The following FGF14 variants were observed in gnomAD, a reference collection of about 807,000 sequenced individuals.
The protein encoded by FGF14 is fibroblast growth factor 14.
A neutral mutation model predicts 25.5 loss-of-function variants in FGF14; 5 were observed. The observed-to-expected ratio is 0.20, with a 90% CI of 0.10 to 0.41. The LOEUF is 0.41. Ranked by LOEUF, FGF14 falls within the 10% of genes least tolerant of loss-of-function variation. The pLI is 1.00. For missense variants in FGF14, 222 were observed against 320.1 expected (o/e 0.69, Z 2.34); for synonymous variants, 138 against 118.3 (o/e 1.17, Z -1.08).
intron 1 of FGF14, among the ~76,000 whole-genome samples, chr13:102,341,620 G>A (rs2056954808): frequency 6.6e-6 from 1 of 152,148 alleles, no homozygotes; most frequent in African/African-American, 2.4e-5. Context: ...TTGTATGATT[G>A]AGAAGGCGAC....
At chr13:102,155,787 G>C (rs2047305413) in intron 1 of FGF14, among the ~76,000 whole-genome samples, 2 of 151,714 alleles carry the variant, frequency 1.3e-5, no homozygotes, top group South Asian at 4.2e-4. Flanking sequence ...AGAAAAGAGA[G>C]AAGAATCAAA....
intron 1 of FGF14, among the ~76,000 whole-genome samples, chr13:102,107,791 C>A (rs2140309325): frequency 6.6e-6 from 1 of 152,258 alleles, no homozygotes; most frequent in Admixed American, 6.5e-5. Context: ...TGAGCAAAGG[C>A]ACACTTGCAG....
At chr13:102,079,861 C>T (rs1228886610) in intron 1 of FGF14, among the ~76,000 whole-genome samples, 1 of 151,984 alleles carries the variant, frequency 6.6e-6, no homozygotes, top group Non-Finnish European at 1.5e-5. Context: ...GACCTTTGAG[C>T]AAAGACCTAA....
At chr13:101,920,345 AT>A (rs1450061354), upstream of FGF14, among the ~76,000 whole-genome samples, 1 of 152,126 alleles carries the variant, frequency 6.6e-6, no homozygotes, top group Non-Finnish European at 1.5e-5. Context: ...CTGAACTCTC[AT>A]TTCAGAGGTT....
At position 101,722,575 on chromosome 13, in the gene FGF14, GAT is replaced by G; in HGVS notation, c.*254_*255del. 3.8e-6 allele frequency: 2 copies of G among 523,720 alleles called. No individual in the cohort carries two copies. The highest frequency in any genetic ancestry group is 2.0e-5 in the South Asian group (1 of 49,366). The allele number at this position is 523,720 out of a possible 1,614,324, so 32.4% of individuals were successfully genotyped here. A position where few individuals can be genotyped will look rare whatever the true frequency, so the allele number is the denominator to read the frequency against. On this transcript the variant is annotated 3_prime_UTR_variant, in exon 5 of 5. Coordinates refer to ENST00000376143, the MANE Select transcript of FGF14 (RefSeq NM_004115.4). ...CATGAAGTGTCACAGTCACAGAAAAGATATTAAAAAGGCATTCCATATCTGGT... is the reference window on the plus strand; with the variant it reads ...CATGAAGTGTCACAGTCACAGAAAAGATTAAAAAGGCATTCCATATCTGGT...
At chr13:102,165,530 C>T (rs907959897) in intron 1 of FGF14, among the ~76,000 whole-genome samples, 1 of 151,448 alleles carries the variant, frequency 6.6e-6, no homozygotes, top group Admixed American at 6.6e-5. Context: ...ATGGATGAAG[C>T]TGGAAACCAT....
At chr13:102,392,648 T>C (rs922484196) in intron 1 of FGF14, among the ~76,000 whole-genome samples, 1 of 152,168 alleles carries the variant, frequency 6.6e-6, no homozygotes, top group Non-Finnish European at 1.5e-5. Flanking sequence ...TGTTGGCAAA[T>C]GGCCAGAAGA....
At chr13:101,973,295 AT>A (rs2037725424) in intron 1 of FGF14, among the ~76,000 whole-genome samples, 1 of 152,182 alleles carries the variant, frequency 6.6e-6, no homozygotes, top group Non-Finnish European at 1.5e-5. Flanking sequence ...TAAATAAAAT[AT>A]ATCCATTCTT....
intron 1 of FGF14, among the ~76,000 whole-genome samples, chr13:102,220,484 C>T (rs1158207800): frequency 1.3e-5 from 2 of 152,160 alleles, no homozygotes; most frequent in African/African-American, 4.8e-5. Flanking sequence ...CTTGAAGTTT[C>T]AAGACATTAG....
rs71125058 is a variant in FGF14, at chr13:102,257,342, C to CTT, written c.208+144127_208+144128dup. On this transcript the variant is annotated intron_variant, in intron 1 of 4. Transcript: ENST00000376131. ...CATGCATGTCCATTTCCTTTCTTTT[C>CTT]TTTTTTTTTTTTTTTTTTTTTTTTT... 8.2e-3 allele frequency among the ~76,000 whole-genome samples: 267 copies of CTT among 32,554 alleles called. 92 individuals are homozygous for CTT. Among genetic ancestry groups the CTT allele is most frequent in the Middle Eastern group, 0.062 (2 of 32 alleles). 21.4% of individuals were successfully genotyped at this position (32,554 alleles called of 152,430 possible).
chr13:102,086,516 A>T (rs557561999), intron 1 of FGF14, among the ~76,000 whole-genome samples: 3 of 151,880 alleles, frequency 2.0e-5, no homozygotes, highest in Non-Finnish European at 2.9e-5. Context: ...GGCGACAGAG[A>T]GAGACTCCGT....
chr13:101,915,586 A>G (rs1430176526), intron 1 of FGF14, among the ~76,000 whole-genome samples: 3 of 151,002 alleles, frequency 2.0e-5, no homozygotes, highest in Non-Finnish European at 4.4e-5. Flanking sequence ...GCTCCTGAAT[A>G]GGATGCCTTC....
At chr13:101,809,210 T>A (rs897438531) in intron 3 of FGF14, among the ~76,000 whole-genome samples, 1 of 152,150 alleles carries the variant, frequency 6.6e-6, no homozygotes, top group East Asian at 1.9e-4. Flanking sequence ...TTGATAAACA[T>A]GTACATACTC....
intron 1 of FGF14, chr13:102,395,631 C>T (rs1194206093): frequency 6.6e-6 from 1 of 152,178 alleles, no homozygotes; most frequent in East Asian, 1.9e-4. Flanking sequence ...TCGTCCTGCC[C>T]TTTGTAGTCC....
At chr13:101,819,531 A>G (rs1293244095) in intron 3 of FGF14, among the ~76,000 whole-genome samples, 1 of 152,240 alleles carries the variant, frequency 6.6e-6, no homozygotes, top group East Asian at 1.9e-4. Context: ...AAGTAAACTT[A>G]AATTACAAGT....
At chr13:101,951,654 G>C (rs369882722) in intron 1 of FGF14, among the ~76,000 whole-genome samples, 3 of 152,174 alleles carry the variant, frequency 2.0e-5, no homozygotes, top group Admixed American at 6.5e-5. Context: ...CAAACTAGTT[G>C]ATTTCAAGCC....
At chr13:102,013,521 T>C (rs968659720) in intron 1 of FGF14, among the ~76,000 whole-genome samples, 2 of 152,182 alleles carry the variant, frequency 1.3e-5, no homozygotes, top group African/African-American at 4.8e-5. Context: ...TATGGAGCTG[T>C]TTAAGATGTT....
At chr13:101,885,296 A>G (rs1034643935) in intron 1 of FGF14, among the ~76,000 whole-genome samples, 12 of 152,098 alleles carry the variant, frequency 7.9e-5, no homozygotes, top group African/African-American at 2.4e-4. Flanking sequence ...TTACATAGTC[A>G]TAGTGTCCTA....
In FGF14 at chr13:102,400,390, C is replaced by T. The variant is rs1257100453; in HGVS notation, c.208+1081G>A. On this transcript the variant is annotated intron_variant, in intron 1 of 4. Transcript: ENST00000376131. The surrounding 1 kb of genome is among the most constrained non-coding windows in gnomAD (Gnocchi z 4.3). ...CAGCCGGCCCCGGGTCCCTCTCCAC[C>T]CTGAACGGAGCTAGGGGACGCCACA... 6.6e-6 allele frequency among the ~76,000 whole-genome samples: 1 copy of T among 152,192 alleles called. No homozygotes were observed. The highest frequency in any genetic ancestry group is 1.5e-5 in the Non-Finnish European group (1 of 68,032).
Sources: allele counts gnomAD v4.1 joint callset (sites outside exome capture counted in the v4.1 genomes callset), GRCh38; gene constraint gnomAD v4.1.1; non-coding constraint Gnocchi (gnomAD v3.1); transcripts MANE v1.5; gene names NCBI Gene and HGNC (gene_info 2026-07-23, HGNC 2026-07-21).